DNER: variants seen among roughly 807,000 people sequenced by gnomAD.
DNER encodes the protein delta and Notch-like epidermal growth factor-related receptor.
DNER carries 33 observed loss-of-function variants against 78.2 expected under a neutral mutation model. The ratio of observed to expected loss-of-function variants is 0.42; its 90% CI spans 0.32 to 0.56. The LOEUF (loss-of-function observed/expected upper bound fraction) is 0.56, where lower values mean the gene tolerates loss of function less well. Among genes scored for constraint, DNER ranks in the 20% least tolerant of loss-of-function variants. The probability of loss-of-function intolerance (pLI) is 0.11; values close to 1 mark genes in which losing one functional copy is unlikely to be tolerated. For synonymous variants in DNER, 417 were observed against 384.8 expected (o/e 1.08, Z -0.98); for missense variants, 918 against 975.3 (o/e 0.94, Z 0.78).
chr2:229,568,073 A>G (rs1468740634), intron 4 of DNER, among the ~76,000 whole-genome samples: 2 of 149,518 alleles, frequency 1.3e-5, no homozygotes, highest in Non-Finnish European at 2.9e-5. Context: ...AAACTAAACA[A>G]AAATGAACTT....
chr2:229,574,685 C>A (rs1201972161), intron 4 of DNER, among the ~76,000 whole-genome samples: 1 of 152,066 alleles, frequency 6.6e-6, no homozygotes, highest in Non-Finnish European at 1.5e-5. Flanking sequence ...ACAATAGAGT[C>A]TTTTTCATTC....
At chr2:229,580,001 T>A (rs1697366262) in intron 4 of DNER, among the ~76,000 whole-genome samples, 1 of 152,310 alleles carries the variant, frequency 6.6e-6, no homozygotes, top group East Asian at 1.9e-4. Context: ...CTAAAGTACC[T>A]AGTTATTCAT....
In DNER at chr2:229,700,178, C is replaced by G. The variant is rs575197021; in HGVS notation, c.276+13970G>C. Among the ~76,000 whole-genome samples the G allele has an allele frequency of 4.6e-5, 7 of 152,070 alleles. No homozygotes were observed. In the South Asian group the frequency reaches 1.5e-3, roughly 32 times the overall value. ...CACAAAAAAAATGGGGGCTAGTAGG[C>G]ATTCTCATATGCTGTCAGTAAATTT... On this transcript the variant is annotated intron_variant, in intron 1 of 12. Coordinates refer to ENST00000341772, the MANE Select transcript of DNER (RefSeq NM_139072.4).
Position 229,578,480 on chromosome 2 carries a change from C to T in DNER, c.847+7378G>A, listed in dbSNP as rs1407645438. Among the ~76,000 whole-genome samples, 6 of 152,202 alleles carry T rather than the reference C, an allele frequency of 3.9e-5. No individual in the cohort carries two copies. In the East Asian group the frequency reaches 9.6e-4, roughly 24 times the overall value. On this transcript the variant is annotated intron_variant, in intron 4 of 12. Coordinates refer to ENST00000341772, the MANE Select transcript of DNER (RefSeq NM_139072.4). ...GGAATACACATCTAGAGACTTGATG[C>T]CTGAATAGCTAAAATAGACACACAC...
chr2:229,513,202 G>C (rs988999021), intron 5 of DNER, among the ~76,000 whole-genome samples: 9 of 152,138 alleles, frequency 5.9e-5, no homozygotes, highest in Non-Finnish European at 5.9e-5. Context: ...AAATGAACTT[G>C]TTTTAAGCTA....
intron 1 of DNER, among the ~76,000 whole-genome samples, chr2:229,659,535 G>A (rs1000996522): frequency 4.6e-5 from 7 of 152,032 alleles, no homozygotes; most frequent in African/African-American, 7.2e-5. Context: ...ATCGGGTACC[G>A]CTCTTAGCCT....
At chr2:229,532,366 G>A (rs768942186) in intron 5 of DNER, among the ~76,000 whole-genome samples, 28 of 151,870 alleles carry the variant, frequency 1.8e-4, no homozygotes, top group East Asian at 5.8e-4. Flanking sequence ...TCCTTCCCTC[G>A]GCCTATTTCA....
chr2:229,531,069 A>G (rs1696291413), intron 5 of DNER, among the ~76,000 whole-genome samples: 1 of 152,102 alleles, frequency 6.6e-6, no homozygotes, highest in South Asian at 2.1e-4. Context: ...AATTTGCCTT[A>G]TTTTACATTC....
chr2:229,467,783 T>C (rs1228219081), intron 7 of DNER, among the ~76,000 whole-genome samples: 1 of 152,188 alleles, frequency 6.6e-6, no homozygotes, highest in Non-Finnish European at 1.5e-5. Context: ...ATGGAGAAGT[T>C]AGCTTTTAAT....
chr2:229,699,596 C>T (rs575282297), intron 1 of DNER, among the ~76,000 whole-genome samples: 1 of 152,256 alleles, frequency 6.6e-6, no homozygotes, highest in African/African-American at 2.4e-5. Flanking sequence ...AACTCCTAGG[C>T]TCAAGCGATC....
chr2:229,377,140 A>T (rs1692622863), intron 11 of DNER, among the ~76,000 whole-genome samples: 1 of 152,166 alleles, frequency 6.6e-6, no homozygotes, highest in African/African-American at 2.4e-5. Flanking sequence ...TGTTTCATTA[A>T]CCTTTATATT....
intron 11 of DNER, among the ~76,000 whole-genome samples, chr2:229,383,012 G>A (rs1692779485): frequency 6.6e-6 from 1 of 152,180 alleles, no homozygotes; most frequent in African/African-American, 2.4e-5. Context: ...CAGCCAGAGA[G>A]AAAGGTCGGG....
At chr2:229,612,055 T>C (rs1679572678) in intron 1 of DNER, among the ~76,000 whole-genome samples, 1 of 152,222 alleles carries the variant, frequency 6.6e-6, no homozygotes, top group Admixed American at 6.5e-5. Flanking sequence ...AAGTCAACCA[T>C]ACTCTGGAGT....
chr2:229,500,493 A>C (rs769606023), intron 6 of DNER, among the ~76,000 whole-genome samples: 34 of 152,352 alleles, frequency 2.2e-4, no homozygotes, highest in Admixed American at 6.5e-4. Context: ...AAAAAACTAA[A>C]ATAGAACTAC....
rs1255442051 is a variant in DNER at position 229,358,502 on chromosome 2, T to C, written c.*38A>G. On this transcript the variant is annotated 3_prime_UTR_variant, in exon 13 of 13. Coordinates refer to ENST00000341772, the MANE Select transcript of DNER (RefSeq NM_139072.4). ...TTTCTTAAAAATATTTAAATGAGTG[T>C]AGTATCTCATCTTTTTGAAAAATAA... is the stretch of plus-strand genomic sequence containing the variant. 2 of 1,476,974 alleles carry C rather than the reference T, an allele frequency of 1.4e-6. No individual in the cohort carries two copies. The highest frequency in any genetic ancestry group is 2.5e-5 in the South Asian group (2 of 80,694). 91.5% of individuals were successfully genotyped at this position (1,476,974 alleles called of 1,614,324 possible). A position where few individuals can be genotyped will look rare whatever the true frequency, so the allele number is the denominator to read the frequency against.
intron 7 of DNER, among the ~76,000 whole-genome samples, chr2:229,449,140 T>C (rs982366109): frequency 6.6e-6 from 1 of 152,186 alleles, no homozygotes; most frequent in Non-Finnish European, 1.5e-5. Flanking sequence ...AAATGTACCA[T>C]ACAATCAGTT....
At chr2:229,662,672 CAGAGA>C (rs1210969261) in intron 1 of DNER, among the ~76,000 whole-genome samples, 1 of 152,076 alleles carries the variant, frequency 6.6e-6, no homozygotes, top group Non-Finnish European at 1.5e-5. Context: ...CTCCTGAAAC[CAGAGA>C]TAAAAGCAAA....
intron 4 of DNER, among the ~76,000 whole-genome samples, chr2:229,548,242 C>T (rs1696662020): frequency 6.6e-6 from 1 of 152,198 alleles, no homozygotes; most frequent in Non-Finnish European, 1.5e-5. Flanking sequence ...CCTCACACCT[C>T]ACACTATACA....
intron 1 of DNER, among the ~76,000 whole-genome samples, chr2:229,639,442 C>T (rs961720260): frequency 1.3e-5 from 2 of 152,048 alleles, no homozygotes; most frequent in African/African-American, 4.8e-5. Flanking sequence ...TTTAGTAGGA[C>T]AGGGTTTTGG....
Sources: gnomAD v4.1 joint callset for allele counts (sites outside exome capture counted in the v4.1 genomes callset) on GRCh38, gnomAD v4.1.1 for gene constraint, MANE v1.5 for transcripts, NCBI Gene and HGNC (gene_info 2026-07-23, HGNC 2026-07-21) for gene names.